NLGN4X: variants seen among roughly 807,000 people sequenced by gnomAD.
NLGN4X encodes neuroligin 4 X-linked.
NLGN4X carries 3 observed loss-of-function variants against 40.3 expected under a neutral mutation model. The ratio of observed to expected loss-of-function variants is 0.07; its 90% confidence interval spans 0.03 to 0.19. NLGN4X has a LOEUF of 0.19. NLGN4X is among the 10% of genes least tolerant of loss of function. The pLI, the probability that NLGN4X is intolerant of heterozygous loss-of-function variation, is 1.00. For synonymous variants in NLGN4X, 270 were observed against 306.8 expected, an observed-to-expected ratio of 0.88 and a Z score of 1.25; for missense variants, 382 against 708.3, an observed-to-expected ratio of 0.54 and a Z score of 5.23.
intron 3 of NLGN4X, among the ~76,000 whole-genome samples, chrX:5,915,953 G>A (rs1209265610): frequency 2.7e-5 from 3 of 111,854 alleles, no homozygotes; most frequent in Non-Finnish European, 5.6e-5. Context: ...CAAAGAGCTT[G>A]TACATCTTGT....
chrX:6,144,905 C>T (rs192374599), intron 2 of NLGN4X, among the ~76,000 whole-genome samples: 8 of 110,826 alleles, frequency 7.2e-5, no homozygotes, highest in Non-Finnish European at 1.3e-4. Flanking sequence ...CAGGAATGGG[C>T]GAGTTGGCTG....
At chrX:5,953,468 G>A (rs186970497) in intron 3 of NLGN4X, among the ~76,000 whole-genome samples, 140 of 111,996 alleles carry the variant, frequency 1.3e-3, no homozygotes, top group Non-Finnish European at 2.1e-3. Context: ...AGTGGATTTG[G>A]AATGTTCTTA....
chrX:5,891,075 C>A lies in NLGN4X; in HGVS notation c.*1742G>T. Reference sequence around the variant, plus strand: ...GTTTCTTGGTAATGCAATAATTTTTCAAAAAAGTATCCATTGCTACTATGT... The same window carrying A: ...GTTTCTTGGTAATGCAATAATTTTTAAAAAAAGTATCCATTGCTACTATGT... On this transcript the variant is annotated 3_prime_UTR_variant, in exon 6 of 6. Transcript: ENST00000381095. The A allele has an allele frequency of 3.5e-6, 1 of 288,526 alleles. No homozygotes were observed. 23.8% of individuals were successfully genotyped at this position (288,526 alleles called of 1,213,427 possible). A position where few individuals can be genotyped will look rare whatever the true frequency, so the allele number is the denominator to read the frequency against.
intron 3 of NLGN4X, among the ~76,000 whole-genome samples, chrX:5,909,794 G>A (rs1034631686): frequency 9.0e-6 from 1 of 110,863 alleles, no homozygotes; most frequent in Non-Finnish European, 1.9e-5. Flanking sequence ...AACAACGTAA[G>A]TTACAGACTC....
chrX:6,216,858 A>G (rs1016474518), intron 1 of NLGN4X, among the ~76,000 whole-genome samples: 1 of 112,118 alleles, frequency 8.9e-6, no homozygotes, highest in African/African-American at 3.2e-5. Context: ...GTCATAGCTC[A>G]CTGCAGCCTC....
intron 3 of NLGN4X, among the ~76,000 whole-genome samples, chrX:5,984,008 A>T (rs2035461317): frequency 9.0e-6 from 1 of 111,553 alleles, no homozygotes; most frequent in African/African-American, 3.3e-5. Flanking sequence ...CAATATGAGA[A>T]TATCTAATAT....
chrX:5,931,478 T>A (rs12393241), intron 3 of NLGN4X, among the ~76,000 whole-genome samples: 5,146 of 111,769 alleles, frequency 0.046, 303 homozygotes, highest in African/African-American at 0.16. Flanking sequence ...CTACATCTGA[T>A]GTGGTCTGTG....
At chrX:6,207,826 T>C (rs1363547432) in intron 1 of NLGN4X, among the ~76,000 whole-genome samples, 1 of 111,963 alleles carries the variant, frequency 8.9e-6, no homozygotes, top group African/African-American at 3.2e-5. Flanking sequence ...ATTATCAAAA[T>C]TAAAAACGAT....
chrX:6,036,243 T>C (rs1302014292), intron 2 of NLGN4X, among the ~76,000 whole-genome samples: 1 of 111,563 alleles, frequency 9.0e-6, no homozygotes. Flanking sequence ...TGCCTTTCCA[T>C]GAAACTTTCC....
At chrX:6,125,800 T>A (rs1251472320) in intron 2 of NLGN4X, among the ~76,000 whole-genome samples, 1 of 111,532 alleles carries the variant, frequency 9.0e-6, no homozygotes. Context: ...CAAATCCTTT[T>A]GTATGGACAG....
chrX:5,931,345 C>T (rs936141571), intron 3 of NLGN4X, among the ~76,000 whole-genome samples: 6 of 111,975 alleles, frequency 5.4e-5, no homozygotes, highest in Non-Finnish European at 9.4e-5. Context: ...GGAAATTGTT[C>T]CTGGAACATT....
chrX:6,218,914 G>C (rs144173187), intron 1 of NLGN4X, among the ~76,000 whole-genome samples: 16 of 106,205 alleles, frequency 1.5e-4, no homozygotes, highest in African/African-American at 5.3e-4. Context: ...TAATTGAAGA[G>C]AGGCAAATGA....
At position 6,144,380 on chromosome X, in the gene NLGN4X, C is replaced by A. The variant is rs180981959; in HGVS notation, c.472+6615G>T. 4.5e-3 allele frequency among the ~76,000 whole-genome samples: 503 copies of A among 111,286 alleles called. 5 individuals carry two copies. The highest frequency in any genetic ancestry group is 0.016 in the African/African-American group (487 of 30,618). ...TCATTATGAATTTCAAATAATATTA[C>A]AGGGTGATAAAACTCTTCCTTAGTT... On this transcript the variant is annotated intron_variant, in intron 2 of 5. Coordinates refer to ENST00000381095, the MANE Select transcript of NLGN4X (RefSeq NM_181332.3).
intron 1 of NLGN4X, chrX:6,226,756 C>A (rs762674969): frequency 8.4e-6 from 1 of 118,778 alleles, no homozygotes; most frequent in South Asian, 2.6e-4. Context: ...CTTGGAAAAC[C>A]AGAGGCGGAG....
intron 2 of NLGN4X, among the ~76,000 whole-genome samples, chrX:6,056,401 G>C (rs1410652416): frequency 2.7e-5 from 3 of 110,544 alleles, no homozygotes; most frequent in Non-Finnish European, 5.7e-5. Context: ...GTTTGAACCT[G>C]GGAGGCGGAG....
chrX:6,212,569 T>C (rs764264606), intron 1 of NLGN4X, among the ~76,000 whole-genome samples: 78 of 111,447 alleles, frequency 7.0e-4, no homozygotes, highest in Non-Finnish European at 1.3e-3. Context: ...CTAGGATGAG[T>C]GTTGGGAGGA....
intron 2 of NLGN4X, among the ~76,000 whole-genome samples, chrX:6,129,871 G>C (rs956698275): frequency 1.9e-5 from 2 of 107,446 alleles, no homozygotes; most frequent in African/African-American, 6.9e-5. Flanking sequence ...GGGAAAGAAA[G>C]ATACCAAATC....
intron 3 of NLGN4X, among the ~76,000 whole-genome samples, chrX:5,941,211 G>T (rs997320819): frequency 7.2e-5 from 7 of 97,838 alleles, no homozygotes; most frequent in Non-Finnish European, 1.2e-4. Context: ...GTGTGTGTGT[G>T]TGTGTGTGTG....
At chrX:6,093,838 T>G (rs1478742498) in intron 2 of NLGN4X, among the ~76,000 whole-genome samples, 1 of 112,017 alleles carries the variant, frequency 8.9e-6, no homozygotes, top group Non-Finnish European at 1.9e-5. Flanking sequence ...AAATATTTCA[T>G]TCTTCAAGGA....
Sources: gnomAD v4.1 joint callset for allele counts (sites outside exome capture counted in the v4.1 genomes callset) on GRCh38, gnomAD v4.1.1 for gene constraint, MANE v1.5 for transcripts, NCBI Gene and HGNC (gene_info 2026-07-23, HGNC 2026-07-21) for gene names.